SLC44A5: variants seen among roughly 807,000 people sequenced by gnomAD.
SLC44A5 encodes solute carrier family 44 member 5.
Under a neutral mutation model 101.8 loss-of-function variants are expected in SLC44A5, and 57 were observed. That is an observed-to-expected ratio of 0.56 (90% CI 0.45 to 0.70). The LOEUF is 0.70. Ranked by LOEUF, SLC44A5 falls within the 30% of genes least tolerant of loss-of-function variation. The pLI is 0.00. For missense variants in SLC44A5, 737 were observed against 853.1 expected (o/e 0.86, Z 1.70); for synonymous variants, 281 against 290.9 (o/e 0.97, Z 0.35).
At chr1:75,634,182 C>CT in the SLC44A5 span, among the ~76,000 whole-genome samples, 2 of 152,086 alleles carry the variant, frequency 1.3e-5, no homozygotes, top group African/African-American at 4.8e-5. Context: ...CTAAAATTCT[C>CT]TTTTTTGGTT....
chr1:75,318,925 C>A (rs991721350), intron 4 of SLC44A5, among the ~76,000 whole-genome samples: 3 of 152,128 alleles, frequency 2.0e-5, no homozygotes, highest in Non-Finnish European at 4.4e-5. Context: ...ATATGCAGTT[C>A]AAATATCACT....
chr1:75,492,241 G>C (rs1446342762), intron 2 of SLC44A5, among the ~76,000 whole-genome samples: 1 of 152,100 alleles, frequency 6.6e-6, no homozygotes, highest in Non-Finnish European at 1.5e-5. Flanking sequence ...ACATTTCAAA[G>C]GTCATTCTCT....
intron 5 of SLC44A5, among the ~76,000 whole-genome samples, chr1:75,281,208 G>A (rs1284416657): frequency 6.6e-6 from 1 of 152,148 alleles, no homozygotes; most frequent in Admixed American, 6.5e-5. Context: ...AGTCCAGGCT[G>A]AGATGATCTC....
At chr1:75,524,578 A>G in intron 2 of SLC44A5, among the ~76,000 whole-genome samples, 1 of 152,162 alleles carries the variant, frequency 6.6e-6, no homozygotes, top group East Asian at 1.9e-4. Context: ...AGGGTATTTT[A>G]TTAATTTTTC....
At chr1:75,408,644 T>C (rs1436634752) in intron 2 of SLC44A5, among the ~76,000 whole-genome samples, 1 of 144,654 alleles carries the variant, frequency 6.9e-6, no homozygotes, top group South Asian at 2.2e-4. Context: ...CACTCATAAG[T>C]GGGAGTTGAA....
chr1:75,238,166 T>A (rs1211360215), intron 10 of SLC44A5, among the ~76,000 whole-genome samples: 1 of 150,664 alleles, frequency 6.6e-6, no homozygotes, highest in Non-Finnish European at 1.5e-5. Flanking sequence ...TTCCTTTTTT[T>A]TTTTTTAAAT....
At chr1:75,224,367 C>A (rs1329650109) in intron 13 of SLC44A5, among the ~76,000 whole-genome samples, 2 of 152,164 alleles carry the variant, frequency 1.3e-5, no homozygotes, top group Non-Finnish European at 2.9e-5. Context: ...ACTCCCACTA[C>A]TTACTATAAA....
chr1:75,587,800 T>G (rs1674101348), intron 1 of SLC44A5, among the ~76,000 whole-genome samples: 1 of 152,196 alleles, frequency 6.6e-6, no homozygotes, highest in African/African-American at 2.4e-5. Context: ...CCTTTTCAGT[T>G]GGGCCCTAAA....
In SLC44A5 at chr1:75,541,894, G is replaced by C. The variant is rs184809739; in HGVS notation, c.-69-378C>G. ...CATTTACATTTATGTTTTATGTTTT[G>C]CTGCCACACTGATTACCAAATGGTG... On this transcript the variant is annotated intron_variant, in intron 1 of 23. Transcript: ENST00000370859. Among the ~76,000 whole-genome samples the C allele has an allele frequency of 1.3e-3, 197 of 152,072 alleles. 2 individuals carry two copies. The Middle Eastern group carries it at 0.02, about 16-fold the overall frequency.
intron 6 of SLC44A5, among the ~76,000 whole-genome samples, chr1:75,269,139 A>T (rs899911600): frequency 6.6e-6 from 1 of 152,264 alleles, no homozygotes; most frequent in African/African-American, 2.4e-5. Context: ...ACAACCTATA[A>T]GACAAAAATA....
chr1:75,648,226 T>C, the SLC44A5 span, among the ~76,000 whole-genome samples: 151,358 of 152,260 alleles, frequency 0.99, 75,235 homozygotes, highest in Middle Eastern at 1. Context: ...CTCTTTTCTG[T>C]TACCATGTGA....
At chr1:75,238,715 G>T in intron 9 of SLC44A5, 79 bp from the exon 10 acceptor site, 1 of 945,176 alleles carries the variant, frequency 1.1e-6, no homozygotes, top group South Asian at 2.3e-5. Context: ...TAAGCTTTCT[G>T]TTATATATAA....
intron 1 of SLC44A5, among the ~76,000 whole-genome samples, chr1:75,596,160 G>GT (rs1161274754): frequency 6.6e-6 from 1 of 151,814 alleles, no homozygotes; most frequent in Admixed American, 6.6e-5. Flanking sequence ...ATGATACTGA[G>GT]TTTCTTCAAA....
intron 1 of SLC44A5, among the ~76,000 whole-genome samples, chr1:75,573,971 T>A (rs1673227220): frequency 6.6e-6 from 1 of 152,176 alleles, no homozygotes; most frequent in Non-Finnish European, 1.5e-5. Context: ...ACTCAATGCA[T>A]CAGCAAATAT....
In SLC44A5 at chr1:75,257,604, T is replaced by G. The variant is rs138124738; in HGVS notation, c.261-6310A>C. 5.6e-3 allele frequency among the ~76,000 whole-genome samples: 857 copies of G among 152,164 alleles called. 6 individuals are homozygous for G. Among genetic ancestry groups the G allele is most frequent in the Non-Finnish European group, 8.5e-3 (579 of 68,002 alleles). ...CATTCCCAACACAAACTCCTGCAAT[T>G]CTAGCCATGGGTGAGCCCCTTGACC... On this transcript the variant is annotated intron_variant, in intron 6 of 23. Coordinates refer to ENST00000370859, the MANE Select transcript of SLC44A5 (RefSeq NM_001130058.2).
At chr1:75,723,531 A>G in the SLC44A5 span, 1 of 152,214 alleles carries the variant, frequency 6.6e-6, no homozygotes, top group Non-Finnish European at 1.5e-5. Flanking sequence ...AGGGGTTACA[A>G]TAGGCATATG....
chr1:75,373,542 C>T (rs899254788), intron 3 of SLC44A5, among the ~76,000 whole-genome samples: 2 of 152,182 alleles, frequency 1.3e-5, no homozygotes, highest in Non-Finnish European at 2.9e-5. Flanking sequence ...AGCAACTAAA[C>T]GTGACTTCAG....
At chr1:75,667,524 A>C in the SLC44A5 span, among the ~76,000 whole-genome samples, 3 of 152,228 alleles carry the variant, frequency 2.0e-5, no homozygotes, top group Non-Finnish European at 4.4e-5. Context: ...TATAGATTCA[A>C]TGCTATCCCC....
the SLC44A5 span, among the ~76,000 whole-genome samples, chr1:75,681,235 T>A: frequency 6.6e-6 from 1 of 152,042 alleles, no homozygotes; most frequent in African/African-American, 2.4e-5. Context: ...GAAAAAGAGG[T>A]AATCCTCCCT....
Sources: gnomAD v4.1 joint callset for allele counts (sites outside exome capture counted in the v4.1 genomes callset) on GRCh38, gnomAD v4.1.1 for gene constraint, MANE v1.5 for transcripts, NCBI Gene and HGNC (gene_info 2026-07-23, HGNC 2026-07-21) for gene names.